The following DNAJC5 variants were observed in gnomAD, a reference collection of about 807,000 sequenced individuals.
DNAJC5 encodes the protein dnaJ homolog subfamily C member 5.
In DNAJC5, 1 loss-of-function variant was observed where a neutral mutation model predicts 23.2. That is an observed-to-expected ratio of 0.04 (90% CI 0.02 to 0.20). The LOEUF is 0.20. Ranked by LOEUF, DNAJC5 falls within the 10% of genes least tolerant of loss-of-function variation. The pLI, the probability that DNAJC5 is intolerant of heterozygous loss-of-function variation, is 1.00. For missense variants in DNAJC5, 180 were observed against 267.0 expected (o/e 0.67, Z 2.27); for synonymous variants, 136 against 120.0 (o/e 1.13, Z -0.87).
At chr20:63,925,460 G>A (rs1169470309) in intron 1 of DNAJC5, among the ~76,000 whole-genome samples, 2 of 152,144 alleles carry the variant, frequency 1.3e-5, no homozygotes, top group African/African-American at 4.8e-5. Flanking sequence ...TCCAGCCTGG[G>A]CAAACAGAGC....
At chr20:63,913,381 G>A (rs547740955) in intron 1 of DNAJC5, among the ~76,000 whole-genome samples, 162 of 151,582 alleles carry the variant, frequency 1.1e-3, no homozygotes, top group Non-Finnish European at 1.8e-3. Context: ...GTTCCTAACA[G>A]CCTGTTTTTT....
At chr20:63,921,017 C>T (rs911162597) in intron 1 of DNAJC5, among the ~76,000 whole-genome samples, 2 of 151,838 alleles carry the variant, frequency 1.3e-5, no homozygotes, top group African/African-American at 2.4e-5. Context: ...TGGAGTGCAA[C>T]GGCACGGTCT....
chr20:63,895,687 G>T (rs1351247015), intron 1 of DNAJC5, among the ~76,000 whole-genome samples: 4 of 152,082 alleles, frequency 2.6e-5, no homozygotes, highest in Non-Finnish European at 5.9e-5. Flanking sequence ...CTCTCCTGCG[G>T]GGGGACTGGA....
At chr20:63,902,067 G>A (rs894617301) in intron 1 of DNAJC5, among the ~76,000 whole-genome samples, 1 of 146,478 alleles carries the variant, frequency 6.8e-6, no homozygotes, top group Admixed American at 6.8e-5. Flanking sequence ...TTTTTTTTTT[G>A]GGTGGGGGAC....
At chr20:63,908,685 G>T (rs990289380) in intron 1 of DNAJC5, among the ~76,000 whole-genome samples, 1 of 152,242 alleles carries the variant, frequency 6.6e-6, no homozygotes, top group Non-Finnish European at 1.5e-5. Flanking sequence ...GCACGTGCCT[G>T]TGGTCCCAGC....
chr20:63,931,868 G>A lies in DNAJC5; in HGVS notation c.*300G>A. 4.6e-6 allele frequency: 2 copies of A among 436,636 alleles called. No homozygotes were observed. Among genetic ancestry groups the A allele is most frequent in the South Asian group, 2.1e-5 (1 of 48,516 alleles). The allele number at this position is 436,636 out of a possible 1,614,324, so 27.0% of individuals were successfully genotyped here. Reference sequence around the variant, plus strand: ...GCGGCATGACCGCGTGAACTGCACGGTGGAGCTGCCTCAGGGCTGTCGGTC... The same window carrying A: ...GCGGCATGACCGCGTGAACTGCACGATGGAGCTGCCTCAGGGCTGTCGGTC... On this transcript the variant is annotated 3_prime_UTR_variant, in exon 5 of 5. Transcript: ENST00000360864. This position sits in a 1 kb window ranked among gnomAD's most constrained non-coding sequence, Gnocchi z 9.6.
rs1288494822 is a variant in DNAJC5 at position 63,920,001 on chromosome 20, C to T, written c.-11-8334C>T. The T allele has an allele frequency of 7.7e-6, 3 of 388,210 alleles. 1 individual carries two copies. The highest frequency in any genetic ancestry group is 6.3e-5 in the African/African-American group (2 of 31,536). The allele number at this position is 388,210 out of a possible 1,614,324, so 24.0% of individuals were successfully genotyped here. ...GCTGTGTGGACATGTGCCCAGGGCC[C>T]GGGACAGCGCCACGGAAGAGGACGC... On this transcript the variant is annotated intron_variant, in intron 1 of 4. Coordinates refer to ENST00000360864, the MANE Select transcript of DNAJC5 (RefSeq NM_025219.3). This position sits in a 1 kb window ranked among gnomAD's most constrained non-coding sequence, Gnocchi z 4.6.
At position 63,934,136 on chromosome 20, in the gene DNAJC5, C is replaced by T. The variant is rs1284075823; in HGVS notation, c.*2568C>T. The T allele has an allele frequency of 6.6e-6, 1 of 152,214 alleles. No individual in the cohort carries two copies. The highest frequency in any genetic ancestry group is 6.5e-5 in the Admixed American group (1 of 15,268). The allele number at this position is 152,214 out of a possible 1,614,324, so 9.4% of individuals were successfully genotyped here. A position where few individuals can be genotyped will look rare whatever the true frequency, so the allele number is the denominator to read the frequency against. Reference sequence around the variant, plus strand: ...CCCCTGCCTGACCTAGAAGCAGAACCGTTTTCAGCGCTCTGCCCTGTTGGC... The same window carrying T: ...CCCCTGCCTGACCTAGAAGCAGAACTGTTTTCAGCGCTCTGCCCTGTTGGC... On this transcript the variant is annotated 3_prime_UTR_variant, in exon 5 of 5. Transcript: ENST00000360864.
intron 1 of DNAJC5, among the ~76,000 whole-genome samples, chr20:63,902,721 G>A (rs1219844956): frequency 2.1e-5 from 3 of 145,868 alleles, no homozygotes; most frequent in African/African-American, 7.6e-5. Flanking sequence ...TGTCGCCCAG[G>A]CTGGAGTGCA....
At chr20:63,907,545 T>G (rs1231605408) in intron 1 of DNAJC5, among the ~76,000 whole-genome samples, 1 of 152,108 alleles carries the variant, frequency 6.6e-6, no homozygotes, top group East Asian at 1.9e-4. Flanking sequence ...CTCAGACAGG[T>G]GACCCCAGAG....
chr20:63,930,941 C>G lies in DNAJC5; in HGVS notation c.412C>G (p.Pro138Ala). The G allele has an allele frequency of 1.2e-6, 2 of 1,614,170 alleles. No individual in the cohort carries two copies. The highest frequency in any genetic ancestry group is 4.5e-5 in the East Asian group (2 of 44,892). The change falls in exon 4 of 5, where the codon CCC (proline) becomes GCC (alanine). Residue 138 changes from proline to alanine, a missense_variant. By Grantham distance (27) the Pro-to-Ala change is conservative. Around this residue, in one of 3 missense-constraint regions of DNAJC5, gnomAD observed 97 missense variants for 123.4 expected, o/e 0.79. Coordinates refer to ENST00000360864, the MANE Select transcript of DNAJC5 (RefSeq NM_025219.3). Reference protein sequence around the residue: ...CFNCCCGKCKPKAPEGEETEF... With the variant: ...CFNCCCGKCKAKAPEGEETEF... Reference sequence around the variant, plus strand: ...CAACTGCTGCTGCGGGAAGTGTAAGCCCAAGGCGCCTGAAGGCGAGGAGAC... The same window carrying G: ...CAACTGCTGCTGCGGGAAGTGTAAGGCCAAGGCGCCTGAAGGCGAGGAGAC...
At chr20:63,922,460 C>CT (rs2053580988) in intron 1 of DNAJC5, among the ~76,000 whole-genome samples, 1 of 128,756 alleles carries the variant, frequency 7.8e-6, no homozygotes, top group Non-Finnish European at 1.5e-5. Context: ...GAGTGAGACT[C>CT]TGTCTCAAAA....
Position 63,931,876 on chromosome 20 carries a change from G to C in DNAJC5, c.*308G>C. Reference sequence around the variant, plus strand: ...ACCGCGTGAACTGCACGGTGGAGCTGCCTCAGGGCTGTCGGTCAGGTTGGT... The same window carrying C: ...ACCGCGTGAACTGCACGGTGGAGCTCCCTCAGGGCTGTCGGTCAGGTTGGT... On this transcript the variant is annotated 3_prime_UTR_variant, in exon 5 of 5. Transcript: ENST00000360864. The surrounding 1 kb of genome is among the most constrained non-coding windows in gnomAD (Gnocchi z 9.6). 7.1e-6 allele frequency: 3 copies of C among 425,260 alleles called. No individual in the cohort carries two copies. Among genetic ancestry groups the C allele is most frequent in the South Asian group, 6.2e-5 (3 of 48,054 alleles). 26.3% of individuals were successfully genotyped at this position (425,260 alleles called of 1,614,324 possible). A position where few individuals can be genotyped will look rare whatever the true frequency, so the allele number is the denominator to read the frequency against.
rs773217530 is a variant in DNAJC5, at chr20:63,931,016, G to C, written c.487G>C (p.Glu163Gln). The part of the protein sequence containing the change: ...EDLEAQLQSD[E>Q]REATDTPIVI... ...TCTGGAGGCACAGCTGCAGTCTGAC[G>C]AGAGGGGTGAGTGCCCGCCCCAGGG... is the stretch of plus-strand genomic sequence containing the variant. The change falls in exon 4 of 5, where the codon GAG becomes CAG. Residue 163 changes from glutamate to glutamine, a missense_variant. Around this residue, in one of 3 missense-constraint regions of DNAJC5, gnomAD observed 97 missense variants for 123.4 expected, o/e 0.79. Coordinates refer to ENST00000360864, the MANE Select transcript of DNAJC5 (RefSeq NM_025219.3). This position sits in a 1 kb window ranked among gnomAD's most constrained non-coding sequence, Gnocchi z 9.6. 1 of 1,613,872 alleles carries C rather than the reference G, an allele frequency of 6.2e-7. No homozygotes were observed. The highest frequency in any genetic ancestry group is 1.7e-5 in the Admixed American group (1 of 60,028).
At chr20:63,915,604 C>G (rs2053511073) in intron 1 of DNAJC5, among the ~76,000 whole-genome samples, 1 of 152,180 alleles carries the variant, frequency 6.6e-6, no homozygotes, top group Non-Finnish European at 1.5e-5. Context: ...CTACCCTTAT[C>G]AGGCCAGGCA....
chr20:63,919,479 G>A (rs766229694), intron 1 of DNAJC5: 2 of 499,272 alleles, frequency 4.0e-6, no homozygotes, highest in African/African-American at 4.2e-5. Context: ...CCGGGACAGC[G>A]CCACGGAAGA....
At chr20:63,909,880 G>A (rs376230096) in intron 1 of DNAJC5, among the ~76,000 whole-genome samples, 1 of 152,356 alleles carries the variant, frequency 6.6e-6, no homozygotes, top group Admixed American at 6.5e-5. Context: ...TGCGGATTTA[G>A]TATTGTGAGG....
At chr20:63,927,427 T>C (rs1398277564) in intron 1 of DNAJC5, among the ~76,000 whole-genome samples, 1 of 152,048 alleles carries the variant, frequency 6.6e-6, no homozygotes, top group African/African-American at 2.4e-5. Flanking sequence ...TCCCAGCTAC[T>C]CCTGTGTGAG....
intron 1 of DNAJC5, among the ~76,000 whole-genome samples, chr20:63,915,827 A>T (rs1278403753): frequency 6.6e-6 from 1 of 152,246 alleles, no homozygotes; most frequent in East Asian, 1.9e-4. Flanking sequence ...GACAAGGTTT[A>T]AGTTTTTAAA....
Sources: allele counts gnomAD v4.1 joint callset (sites outside exome capture counted in the v4.1 genomes callset), GRCh38; gene constraint gnomAD v4.1.1; regional missense constraint gnomAD v4.1.1; non-coding constraint Gnocchi (gnomAD v3.1); transcripts MANE v1.5; gene names NCBI Gene and HGNC (gene_info 2026-07-23, HGNC 2026-07-21).